MGAM: variants seen among roughly 807,000 people sequenced by gnomAD.
MGAM encodes alpha-1,4-glucosidase.
MGAM carries 253 observed loss-of-function variants against 358.8 expected under a neutral mutation model. The observed-to-expected ratio is 0.71, with a 90% confidence interval of 0.64 to 0.78. The LOEUF is 0.78. Ranked by LOEUF, MGAM falls within the 30% of genes least tolerant of loss-of-function variation. The probability of loss-of-function intolerance (pLI) is 0.00; values close to 1 mark genes in which losing one functional copy is unlikely to be tolerated. For missense variants in MGAM, 3,080 were observed against 3,432.6 expected (o/e 0.90, Z 2.57); for synonymous variants, 1,105 against 1,227.1 (o/e 0.90, Z 2.08).
chr7:142,050,162 G>A (rs1405961525), intron 22 of MGAM, 73 bp from the exon 23 acceptor site: 1 of 1,451,382 alleles, frequency 6.9e-7, no homozygotes, highest in Non-Finnish European at 9.7e-7. Context: ...ATAGCTGAAA[G>A]GAGTGGTAGG....
rs527648589 is a variant in MGAM, at chr7:142,057,031, C to A, written c.3693+89C>A. The A allele has an allele frequency of 8.5e-4, 992 of 1,164,168 alleles. 3 individuals are homozygous for A. In the Middle Eastern group the frequency reaches 0.012, roughly 14 times the overall value. 72.1% of individuals were successfully genotyped at this position (1,164,168 alleles called of 1,614,324 possible). A position where few individuals can be genotyped will look rare whatever the true frequency, so the allele number is the denominator to read the frequency against. ...ATTGATTAGTATAACTCTCAGTTGA[C>A]AACTGGAAATATTGGTCTTTCTTGG... On this transcript the variant is annotated intron_variant, in intron 30 of 70. Transcript: ENST00000475668.
intron 68 of MGAM, among the ~76,000 whole-genome samples, chr7:142,101,921 G>A (rs1456443384): frequency 7.3e-6 from 1 of 137,090 alleles, no homozygotes. Flanking sequence ...AAAAAAAAAA[G>A]AAAGAAAGAA....
chr7:142,028,778 G>A (rs1415371591), intron 10 of MGAM, among the ~76,000 whole-genome samples: 1 of 152,092 alleles, frequency 6.6e-6, no homozygotes, highest in African/African-American at 2.4e-5. Flanking sequence ...CTGAGGAGAT[G>A]GGGGAAGCAG....
rs571110199 is a variant in MGAM, at chr7:142,055,518, A to G, written c.3315-40A>G. On this transcript the variant is annotated intron_variant, in intron 27 of 70. Transcript: ENST00000475668. The stretch of plus-strand genomic sequence containing the variant: ...GTCACCTGCTGGAAACAGAGATAAA[A>G]GCTCATTTTCTGTTTCAAATCTGCG... The G allele has an allele frequency of 3.7e-5, 59 of 1,612,512 alleles. No individual in the cohort carries two copies. In the East Asian group the frequency reaches 1.3e-3, roughly 35 times the overall value.
intron 2 of MGAM, among the ~76,000 whole-genome samples, chr7:141,987,872 A>G (rs1053472185): frequency 6.6e-6 from 1 of 152,194 alleles, no homozygotes; most frequent in South Asian, 2.1e-4. Flanking sequence ...TAACCCCACC[A>G]CTATATGAGT....
chr7:142,000,120 A>G (rs1554450190), intron 1 of MGAM, among the ~76,000 whole-genome samples: 1 of 152,208 alleles, frequency 6.6e-6, no homozygotes, highest in Non-Finnish European at 1.5e-5. Flanking sequence ...ATTACCTTAC[A>G]ATTTTGTAGT....
chr7:142,092,426 G>T (rs1279970952), intron 58 of MGAM, 95 bp from the exon 59 acceptor site: 1 of 1,223,230 alleles, frequency 8.2e-7, no homozygotes, highest in African/African-American at 1.4e-5. Context: ...GGGATTACTG[G>T]ATGTTGAACA....
chr7:142,026,472 T>C (rs1242408028), intron 8 of MGAM, among the ~76,000 whole-genome samples: 1 of 152,202 alleles, frequency 6.6e-6, no homozygotes, highest in Non-Finnish European at 1.5e-5. Flanking sequence ...CAATTCTCAG[T>C]GATGAGTAAC....
At position 142,054,783 on chromosome 7, in the gene MGAM, A is replaced by T; in HGVS notation, c.3189A>T (p.Glu1063Asp). The change falls in exon 27 of 71, where the codon GAA (glutamate) becomes GAT (aspartate). Residue 1063 changes from glutamate to aspartate, a missense_variant. Transcript: ENST00000475668. ...KIYDPNKNRY[E>D]VPVPLNIPSM... ...ATGATCCCAACAAGAATCGGTATGA[A>T]GTTCCAGTCCCTCTGAACATACCCA... is the stretch of plus-strand genomic sequence containing the variant. 6.2e-7 allele frequency: 1 copy of T among 1,613,890 alleles called. No individual in the cohort carries two copies. The highest frequency in any genetic ancestry group is 8.5e-7 in the Non-Finnish European group (1 of 1,179,826).
chr7:141,990,011 A>C (rs1803875434), intron 2 of MGAM, among the ~76,000 whole-genome samples: 1 of 152,176 alleles, frequency 6.6e-6, no homozygotes, highest in Admixed American at 6.5e-5. Flanking sequence ...CTCATCTGTC[A>C]CTTCTGGGCT....
rs547783903 is a variant in MGAM, at chr7:142,067,935, AATATAT to A, written c.5004+534_5004+539del. 1.9e-3 allele frequency among the ~76,000 whole-genome samples: 56 copies of A among 29,182 alleles called. 2 individuals are homozygous for A. The highest frequency in any genetic ancestry group is 3.9e-3 in the African/African-American group (49 of 12,414). The allele number at this position is 29,182 out of a possible 152,430, so 19.1% of individuals were successfully genotyped here. A position where few individuals can be genotyped will look rare whatever the true frequency, so the allele number is the denominator to read the frequency against. ...ATATCAATTAATTGTACCTCCCTCA[AATATAT>A]ATATATATATATATATATATATAAA... On this transcript the variant is annotated intron_variant, in intron 42 of 70. Transcript: ENST00000475668.
upstream of MGAM, among the ~76,000 whole-genome samples, chr7:141,993,616 T>C (rs115838198): frequency 0.023 from 3,505 of 152,308 alleles, 142 homozygotes; most frequent in African/African-American, 0.081. Flanking sequence ...GGTTTGTAGA[T>C]ATAATTCTGA....
chr7:142,042,463 T>C (rs1444067201), intron 21 of MGAM, among the ~76,000 whole-genome samples: 8 of 19,678 alleles, frequency 4.1e-4, no homozygotes, highest in African/African-American at 6.9e-4. Flanking sequence ...TAACATATAA[T>C]ATATAATATA....
chr7:142,102,592 C>T, intron 68 of MGAM, 38 bp from the exon 69 acceptor site: 1 of 1,593,130 alleles, frequency 6.3e-7, no homozygotes, highest in Non-Finnish European at 8.6e-7. Flanking sequence ...TTCTACAGCA[C>T]AGGTCCAGGC....
chr7:142,029,736 A>C lies in MGAM; in HGVS notation c.1222-626A>C, dbSNP rs574726243. 9.7e-4 allele frequency among the ~76,000 whole-genome samples: 148 copies of C among 152,296 alleles called. No homozygotes were observed. In the Middle Eastern group the frequency reaches 0.01, roughly 11 times the overall value. On this transcript the variant is annotated intron_variant, in intron 10 of 70. Coordinates refer to ENST00000475668, the MANE Select transcript of MGAM (RefSeq NM_001365693.1). ...GAATGTACCTATGATATTGGATACT[A>C]TTGGGAGTGAAATTTAACAAGAGAT... is the stretch of plus-strand genomic sequence containing the variant.
intron 1 of MGAM, 150 bp from the exon 2 acceptor site, chr7:142,005,379 A>C: frequency 1.8e-6 from 1 of 558,616 alleles, no homozygotes; most frequent in Non-Finnish European, 3.0e-6. Context: ...TGAATTGGCC[A>C]TGAGCTGATA....
At chr7:142,050,675 C>G (rs756785885) in intron 23 of MGAM, 22 bp from the exon 24 acceptor site, 3 of 1,607,588 alleles carry the variant, frequency 1.9e-6, no homozygotes, top group Non-Finnish European at 2.6e-6. Flanking sequence ...TTTATGCATA[C>G]TTGGACTTAA....
intron 24 of MGAM, 73 bp from the exon 25 acceptor site, chr7:142,052,221 A>G (rs920648742): frequency 8.2e-6 from 10 of 1,223,432 alleles, no homozygotes; most frequent in East Asian, 2.6e-5. Context: ...TTTTTTATCG[A>G]AAAAAAAACC....
In MGAM at chr7:142,034,259, C is replaced by T; in HGVS notation, c.1670-3C>T. The T allele has an allele frequency of 1.3e-6, 2 of 1,576,468 alleles. No homozygotes were observed. Among genetic ancestry groups the T allele is most frequent in the Non-Finnish European group, 1.7e-6 (2 of 1,158,372 alleles). ...TCACTGATTGATCCTGCTTTTGTTT[C>T]AGGAATCCTGGATGGGTACCTGTTC... On this transcript the variant is annotated splice_region_variant and splice_polypyrimidine_tract_variant and intron_variant, in intron 14 of 70. Transcript: ENST00000475668.
Sources: allele counts gnomAD v4.1 joint callset (sites outside exome capture counted in the v4.1 genomes callset), GRCh38; gene constraint gnomAD v4.1.1; transcripts MANE v1.5; gene names NCBI Gene and HGNC (gene_info 2026-07-23, HGNC 2026-07-21).